YTHDC2: variants seen among roughly 807,000 people sequenced by gnomAD.
The protein encoded by YTHDC2 is 3'-5' RNA helicase YTHDC2.
Under a neutral mutation model 174.9 loss-of-function variants are expected in YTHDC2, and 45 were observed. The observed-to-expected ratio is 0.26, with a 90% CI of 0.20 to 0.33. The LOEUF is 0.33. Among genes scored for constraint, YTHDC2 ranks in the 10% least tolerant of loss-of-function variants. The pLI, the probability that YTHDC2 is intolerant of heterozygous loss-of-function variation, is 1.00. For missense variants in YTHDC2, 1,650 were observed against 1,723.7 expected, an observed-to-expected ratio of 0.96 and a Z score of 0.76; for synonymous variants, 657 against 574.5, an observed-to-expected ratio of 1.14 and a Z score of -2.05.
intron 5 of YTHDC2, among the ~76,000 whole-genome samples, chr5:113,533,313 C>G (rs1255983366): frequency 6.6e-6 from 1 of 151,630 alleles, no homozygotes; most frequent in African/African-American, 2.4e-5. Context: ...GAGGCCGAGG[C>G]GGGTGGATCA....
At chr5:113,551,371 A>G (rs1014509886) in intron 12 of YTHDC2, among the ~76,000 whole-genome samples, 1 of 152,098 alleles carries the variant, frequency 6.6e-6, no homozygotes, top group Non-Finnish European at 1.5e-5. Flanking sequence ...GATAGATCAT[A>G]TTATCAATTA....
At chr5:113,569,887 A>G (rs540881663) in intron 23 of YTHDC2, among the ~76,000 whole-genome samples, 1 of 151,308 alleles carries the variant, frequency 6.6e-6, no homozygotes, top group Non-Finnish European at 1.5e-5. Flanking sequence ...GACTGTCAGT[A>G]TAATGGGAAT....
In YTHDC2 at chr5:113,526,789, T is replaced by A. The variant is rs188972078; in HGVS notation, c.675+4T>A. The A allele has an allele frequency of 3.9e-5, 53 of 1,344,898 alleles. 1 individual carries two copies. In the East Asian group the frequency reaches 1.5e-3, roughly 38 times the overall value. The allele number at this position is 1,344,898 out of a possible 1,614,324, so 83.3% of individuals were successfully genotyped here. On this transcript the variant is annotated splice_donor_region_variant and intron_variant, in intron 4 of 29. Coordinates refer to ENST00000161863, the MANE Select transcript of YTHDC2 (RefSeq NM_022828.5). ...TGGGTCTGGAAAGACCACACAGGTTTGTTTCTTTTTTGTTGTTTATAGAAA... is the reference window on the plus strand; with the variant it reads ...TGGGTCTGGAAAGACCACACAGGTTAGTTTCTTTTTTGTTGTTTATAGAAA...
At chr5:113,558,979 G>A (rs1776786059) in intron 17 of YTHDC2, among the ~76,000 whole-genome samples, 1 of 151,364 alleles carries the variant, frequency 6.6e-6, no homozygotes, top group Non-Finnish European at 1.5e-5. Context: ...CTCAAGTATA[G>A]GCCTAGAATT....
At chr5:113,547,717 AAGAACACTGATG>A (rs1232020860) in intron 10 of YTHDC2, among the ~76,000 whole-genome samples, 2 of 150,282 alleles carry the variant, frequency 1.3e-5, no homozygotes, top group African/African-American at 5.0e-5. Context: ...CTCACTTTAA[AAGAACACTGATG>A]TATATTGATA....
intron 23 of YTHDC2, among the ~76,000 whole-genome samples, chr5:113,572,993 T>G (rs999753579): frequency 1.3e-5 from 2 of 152,232 alleles, no homozygotes; most frequent in Non-Finnish European, 2.9e-5. Context: ...TTGTTATGTG[T>G]GAATTTGATT....
In YTHDC2 at chr5:113,548,525, C is replaced by T; in HGVS notation, c.1496-16C>T. ...CTTTGGAAATTTAAGTTTTATTTAT[C>T]TTTTCCTTTTTTTAGTTGATTACAG... On this transcript the variant is annotated splice_polypyrimidine_tract_variant and intron_variant, in intron 10 of 29. Transcript: ENST00000161863. 1 of 1,571,010 alleles carries T rather than the reference C, an allele frequency of 6.4e-7. No homozygotes were observed. The highest frequency in any genetic ancestry group is 1.2e-5 in the South Asian group (1 of 84,282).
At chr5:113,523,382 C>G (rs918731135) in intron 2 of YTHDC2, among the ~76,000 whole-genome samples, 1 of 152,062 alleles carries the variant, frequency 6.6e-6, no homozygotes, top group African/African-American at 2.4e-5. Context: ...GTGCTCAGTT[C>G]AGCTCACTTC....
intron 26 of YTHDC2, among the ~76,000 whole-genome samples, chr5:113,588,925 A>C (rs1778838272): frequency 6.6e-6 from 1 of 152,086 alleles, no homozygotes; most frequent in Admixed American, 6.6e-5. Flanking sequence ...ATGCCTGGCC[A>C]ACAGTGTTCT....
chr5:113,541,097 A>T lies in YTHDC2; in HGVS notation c.1340A>T (p.Asp447Val). 2.5e-6 allele frequency: 4 copies of T among 1,614,076 alleles called. No homozygotes were observed. Among genetic ancestry groups the T allele is most frequent in the Non-Finnish European group, 3.4e-6 (4 of 1,179,966 alleles). Residue 447 changes from aspartate to valine, a missense_variant, in exon 9 of 30, where the codon GAT (aspartate) becomes GTT (valine). Around this residue, in one of 5 missense-constraint regions of YTHDC2, gnomAD observed 411 missense variants for 380.6 expected, o/e 1.08. Transcript: ENST00000161863. The part of the protein sequence containing the change: ...DEYDLLDDGG[D>V]AVFSQLTEKD... ...TATGACTTACTGGATGATGGTGGTG[A>T]TGCTGTCTTCAGTCAGCTGGTATGA...
chr5:113,544,890 A>G (rs548907172), intron 10 of YTHDC2, among the ~76,000 whole-genome samples: 124 of 152,252 alleles, frequency 8.1e-4, no homozygotes, highest in Non-Finnish European at 2.5e-4. Context: ...CTTTACTGGT[A>G]TTAATTCAGC....
chr5:113,578,927 A>G (rs1262741631), intron 23 of YTHDC2, among the ~76,000 whole-genome samples: 3 of 152,082 alleles, frequency 2.0e-5, no homozygotes, highest in Admixed American at 6.6e-5. Context: ...TACATACTGT[A>G]TGTTTTAGCC....
At position 113,567,689 on chromosome 5, in the gene YTHDC2, G is replaced by A. The variant is rs1580606831; in HGVS notation, c.3084G>A (p.Lys1028=). The A allele has an allele frequency of 1.2e-6, 2 of 1,605,682 alleles. No homozygotes were observed. The highest frequency in any genetic ancestry group is 3.4e-5 in the Admixed American group (2 of 58,182). ...PPANGQAAAI[K]ALPTDWLIYD... The stretch of plus-strand genomic sequence containing the variant: ...CCAATGGTCAAGCTGCAGCAATTAA[G>A]GCACTGCCCACAGATTGGCTTATTT... The change falls in exon 23 of 30, where the codon AAG becomes AAA. Residue 1028 remains lysine (K), a synonymous_variant. Coordinates refer to ENST00000161863, the MANE Select transcript of YTHDC2 (RefSeq NM_022828.5).
intron 17 of YTHDC2, among the ~76,000 whole-genome samples, chr5:113,556,672 G>A (rs1400162229): frequency 6.6e-6 from 1 of 152,162 alleles, no homozygotes; most frequent in African/African-American, 2.4e-5. Flanking sequence ...AAAAACATGG[G>A]CCAATAGTCT....
intron 18 of YTHDC2, among the ~76,000 whole-genome samples, chr5:113,561,922 A>G (rs67020702): frequency 0.21 from 31,771 of 149,696 alleles, 3,819 homozygotes; most frequent in Admixed American, 0.34. Context: ...TTTAGAACTG[A>G]GTTCACTGAG....
At chr5:113,525,548 G>A (rs917010924) in intron 3 of YTHDC2, among the ~76,000 whole-genome samples, 1 of 151,924 alleles carries the variant, frequency 6.6e-6, no homozygotes, top group South Asian at 2.1e-4. Context: ...TAATTCATTC[G>A]AGGACACCAA....
rs996732564 is a variant in YTHDC2 at position 113,593,456 on chromosome 5, A to G, written c.*8-26A>G. 9 of 1,316,676 alleles carry G rather than the reference A, an allele frequency of 6.8e-6. No homozygotes were observed. The East Asian group carries it at 1.9e-4, about 27-fold the overall frequency. 81.6% of individuals were successfully genotyped at this position (1,316,676 alleles called of 1,614,324 possible). A position where few individuals can be genotyped will look rare whatever the true frequency, so the allele number is the denominator to read the frequency against. On this transcript the variant is annotated intron_variant, in intron 29 of 29. Coordinates refer to ENST00000161863, the MANE Select transcript of YTHDC2 (RefSeq NM_022828.5). ...TCATTAGGAACCTTTCAGATTATTTATCTTTTTTTTTCCCCTTTCTTCTAG... is the reference window on the plus strand; with the variant it reads ...TCATTAGGAACCTTTCAGATTATTTGTCTTTTTTTTTCCCCTTTCTTCTAG...
chr5:113,576,258 A>C (rs1253809995), intron 23 of YTHDC2, among the ~76,000 whole-genome samples: 1 of 152,160 alleles, frequency 6.6e-6, no homozygotes, highest in Non-Finnish European at 1.5e-5. Context: ...GAGTAGTGGA[A>C]GAGTGATTCA....
Position 113,567,160 on chromosome 5 carries a change from G to A in YTHDC2, c.2911G>A (p.Val971Ile), listed in dbSNP as rs149048625. Residue 971 changes from valine (V) to isoleucine (I), a missense_variant, in exon 22 of 30, where the codon GTT becomes ATT. Physicochemically the swap from Val to Ile is conservative, Grantham distance 29. Around this residue, in one of 5 missense-constraint regions of YTHDC2, gnomAD observed 913 missense variants for 940.4 expected, o/e 0.97. Coordinates refer to ENST00000161863, the MANE Select transcript of YTHDC2 (RefSeq NM_022828.5). ...VNTNSENWAV[V>I]KAALVAGMYP... ...CACAAACTCTGAGAATTGGGCTGTCGTTAAAGCTGCATTGGTGGCAGGCAT... is the reference window on the plus strand; with the variant it reads ...CACAAACTCTGAGAATTGGGCTGTCATTAAAGCTGCATTGGTGGCAGGCAT... 8.7e-6 allele frequency: 14 copies of A among 1,613,738 alleles called. No individual in the cohort carries two copies. The East Asian group carries it at 8.9e-5, about 10-fold the overall frequency.
Sources: allele counts gnomAD v4.1 joint callset (sites outside exome capture counted in the v4.1 genomes callset), GRCh38; gene constraint gnomAD v4.1.1; regional missense constraint gnomAD v4.1.1; transcripts MANE v1.5; gene names NCBI Gene and HGNC (gene_info 2026-07-23, HGNC 2026-07-21).